The following SLC9A7 variants were observed in gnomAD, a reference collection of about 807,000 sequenced individuals.
SLC9A7 encodes the protein solute carrier family 9 member A7, also known as sodium/hydrogen exchanger 7.
A neutral mutation model predicts 52.6 loss-of-function variants in SLC9A7; 19 were observed. That is an observed-to-expected ratio of 0.36 (90% CI 0.25 to 0.53). SLC9A7 has a LOEUF of 0.53. SLC9A7 is among the 20% of genes least tolerant of loss of function. SLC9A7 has a pLI of 0.91. For synonymous variants in SLC9A7, 226 were observed against 252.1 expected (o/e 0.90, Z 0.98); for missense variants, 455 against 597.9 (o/e 0.76, Z 2.49).
intron 14 of SLC9A7, among the ~76,000 whole-genome samples, chrX:46,627,211 G>T (rs1460226182): frequency 9.1e-6 from 1 of 110,432 alleles, no homozygotes; most frequent in Non-Finnish European, 1.9e-5. Flanking sequence ...CTACTCAGGA[G>T]GCCGAGGGAG....
intron 1 of SLC9A7, among the ~76,000 whole-genome samples, chrX:46,708,245 A>G (rs1050181467): frequency 1.8e-5 from 2 of 112,154 alleles, no homozygotes; most frequent in South Asian, 7.4e-4. Flanking sequence ...AAGGTACTCA[A>G]GGCCAGGCAT....
intron 16 of SLC9A7, among the ~76,000 whole-genome samples, chrX:46,611,510 T>C (rs1942848628): frequency 8.9e-6 from 1 of 112,566 alleles, no homozygotes; most frequent in African/African-American, 3.2e-5. Flanking sequence ...GAAAGACACA[T>C]GAACGCTACT....
At chrX:46,751,970 G>A (rs2147029217) in intron 1 of SLC9A7, among the ~76,000 whole-genome samples, 1 of 111,970 alleles carries the variant, frequency 8.9e-6, no homozygotes, top group Non-Finnish European at 1.9e-5. Context: ...TCCAGGCAGG[G>A]AAGTTAATAG....
At chrX:46,659,123 C>T (rs1298725834) in intron 7 of SLC9A7, among the ~76,000 whole-genome samples, 5 of 111,507 alleles carry the variant, frequency 4.5e-5, no homozygotes, top group African/African-American at 1.6e-4. Flanking sequence ...AGACAAAAAC[C>T]ACATGATTAT....
chrX:46,652,418 G>A (rs934271583), intron 8 of SLC9A7, among the ~76,000 whole-genome samples: 1 of 40,514 alleles, frequency 2.5e-5, no homozygotes, highest in Non-Finnish European at 4.3e-5. Flanking sequence ...CCAAAGTGCT[G>A]GGATTATATA....
At chrX:46,668,994 T>C (rs374096543) in intron 5 of SLC9A7, among the ~76,000 whole-genome samples, 58 of 109,598 alleles carry the variant, frequency 5.3e-4, no homozygotes, top group Middle Eastern at 9.3e-3. Flanking sequence ...GGTGAAACCC[T>C]GTCTCTACTA....
At chrX:46,726,179 A>C (rs1232136359) in intron 1 of SLC9A7, among the ~76,000 whole-genome samples, 1 of 111,086 alleles carries the variant, frequency 9.0e-6, no homozygotes, top group Admixed American at 9.6e-5. Flanking sequence ...GTTTGAGCCC[A>C]GGACATTGGG....
At chrX:46,618,016 G>A (rs1433043549) in intron 15 of SLC9A7, among the ~76,000 whole-genome samples, 1 of 111,389 alleles carries the variant, frequency 9.0e-6, no homozygotes, top group African/African-American at 3.3e-5. Flanking sequence ...CCATCTGCTT[G>A]AAGGCTTCAG....
At chrX:46,703,706 G>GA (rs1262759005) in intron 1 of SLC9A7, among the ~76,000 whole-genome samples, 2 of 111,761 alleles carry the variant, frequency 1.8e-5, no homozygotes, top group African/African-American at 6.5e-5. Context: ...CTCACATAAT[G>GA]GAGTCTATAG....
At chrX:46,624,515 T>G (rs1040654220) in intron 14 of SLC9A7, among the ~76,000 whole-genome samples, 1 of 112,668 alleles carries the variant, frequency 8.9e-6, no homozygotes, top group African/African-American at 3.2e-5. Flanking sequence ...ATTTTTCATT[T>G]AAAGAACTTA....
In SLC9A7 at chrX:46,756,246, T is replaced by C. The variant is rs782326367; in HGVS notation, c.325+2459A>G. 2.2e-4 allele frequency among the ~76,000 whole-genome samples: 25 copies of C among 111,624 alleles called. No individual in the cohort carries two copies. The East Asian group carries it at 6.1e-3, about 27-fold the overall frequency. ...TTAAAAATGTTTCCTTAGGTCTTTT[T>C]GTCGTTCCTTATTCAGAGCCAAGAG... On this transcript the variant is annotated intron_variant, in intron 1 of 16. Coordinates refer to ENST00000616978, the MANE Select transcript of SLC9A7 (RefSeq NM_001257291.2).
intron 1 of SLC9A7, among the ~76,000 whole-genome samples, chrX:46,755,549 A>G (rs1280734168): frequency 9.0e-6 from 1 of 111,284 alleles, no homozygotes; most frequent in Non-Finnish European, 1.9e-5. Flanking sequence ...ATGCTATTAC[A>G]GCCGGGTGCG....
rs1050268583 is a variant in SLC9A7, at chrX:46,731,303, A to T, written c.325+27402T>A. ...GATAAGGTCCAGGCATCTTAAAAAAAAAAATGGGCCAGGTATAGTGGCTTA... is the reference window on the plus strand; with the variant it reads ...GATAAGGTCCAGGCATCTTAAAAAATAAAATGGGCCAGGTATAGTGGCTTA... On this transcript the variant is annotated intron_variant, in intron 1 of 16. Coordinates refer to ENST00000616978, the MANE Select transcript of SLC9A7 (RefSeq NM_001257291.2). Among the ~76,000 whole-genome samples the T allele has an allele frequency of 3.7e-5, 4 of 109,003 alleles. No individual in the cohort carries two copies. The South Asian group carries it at 1.6e-3, about 44-fold the overall frequency. 94.7% of individuals were successfully genotyped at this position (109,003 alleles called of 115,157 possible).
chrX:46,641,654 T>A (rs1943407599), intron 12 of SLC9A7, among the ~76,000 whole-genome samples: 1 of 112,187 alleles, frequency 8.9e-6, no homozygotes, highest in Admixed American at 9.4e-5. Flanking sequence ...TTTTCCTTAA[T>A]CCAACCCTTG....
chrX:46,626,146 A>C (rs904457058), intron 14 of SLC9A7, among the ~76,000 whole-genome samples: 2 of 112,519 alleles, frequency 1.8e-5, no homozygotes, highest in Admixed American at 9.4e-5. Flanking sequence ...CCTTAAAAAA[A>C]AACAAAAACA....
chrX:46,677,111 C>T (rs1367038842), intron 3 of SLC9A7, among the ~76,000 whole-genome samples: 1 of 111,881 alleles, frequency 8.9e-6, no homozygotes, highest in African/African-American at 3.3e-5. Context: ...CCTTCCCCTC[C>T]TGCCCTGAAG....
intron 1 of SLC9A7, among the ~76,000 whole-genome samples, chrX:46,713,561 G>A (rs1217322309): frequency 9.1e-6 from 1 of 109,724 alleles, no homozygotes; most frequent in Non-Finnish European, 1.9e-5. Flanking sequence ...GGCTTCTCCA[G>A]GAGAAATATT....
At chrX:46,700,036 T>A (rs1944506255) in intron 1 of SLC9A7, among the ~76,000 whole-genome samples, 2 of 109,530 alleles carry the variant, frequency 1.8e-5, no homozygotes, top group Non-Finnish European at 3.8e-5. Context: ...ACCCAGGAGT[T>A]TGAAGCTTCA....
chrX:46,752,686 C>T (rs1225868958), intron 1 of SLC9A7, among the ~76,000 whole-genome samples: 1 of 110,715 alleles, frequency 9.0e-6, no homozygotes, highest in African/African-American at 3.3e-5. Flanking sequence ...TTCCTGTATA[C>T]CATGATACTA....
Sources: allele counts gnomAD v4.1 joint callset (sites outside exome capture counted in the v4.1 genomes callset), GRCh38; gene constraint gnomAD v4.1.1; transcripts MANE v1.5; gene names NCBI Gene and HGNC (gene_info 2026-07-23, HGNC 2026-07-21).